The following PROM1 variants were observed in gnomAD, a reference collection of about 807,000 sequenced individuals.
PROM1 encodes the protein prominin 1, also known as prominin-1.
PROM1 carries 105 observed loss-of-function variants against 116.9 expected under a neutral mutation model. The ratio of observed to expected loss-of-function variants is 0.90; its 90% CI spans 0.77 to 1.06. PROM1 has a LOEUF of 1.06. PROM1 is among the 50% of genes least tolerant of loss of function. The pLI is 0.00. For missense variants in PROM1, 1,122 were observed against 1,045.2 expected (o/e 1.07, Z -1.01); for synonymous variants, 393 against 387.0 (o/e 1.02, Z -0.18).
chr4:16,073,531 G>A (rs1743284659), intron 2 of PROM1, among the ~76,000 whole-genome samples: 1 of 152,150 alleles, frequency 6.6e-6, no homozygotes, highest in African/African-American at 2.4e-5. Flanking sequence ...CAAATAGGAT[G>A]ATGGAAGAAA....
chr4:16,083,598 T>TG (rs1745456500), intron 1 of PROM1: 1 of 151,944 alleles, frequency 6.6e-6, no homozygotes. Context: ...GTGGAAGGAG[T>TG]GCGCTCAGCC....
At chr4:16,032,902 A>T (rs1400770) in intron 5 of PROM1, among the ~76,000 whole-genome samples, 38,647 of 152,126 alleles carry the variant, frequency 0.25, 5,603 homozygotes, top group African/African-American at 0.39. Flanking sequence ...GTCCATCAAG[A>T]TTCCTTTGGA....
intron 2 of PROM1, among the ~76,000 whole-genome samples, chr4:16,074,320 T>G (rs1181696927): frequency 6.6e-6 from 1 of 152,192 alleles, no homozygotes; most frequent in East Asian, 1.9e-4. Flanking sequence ...AAATATCTCT[T>G]GTACCCCGTG....
At chr4:16,007,277 C>G (rs1207239509) in intron 12 of PROM1, among the ~76,000 whole-genome samples, 1 of 152,184 alleles carries the variant, frequency 6.6e-6, no homozygotes, top group African/African-American at 2.4e-5. Flanking sequence ...AAATCAAATG[C>G]CTGCAGAATG....
At chr4:16,075,408 C>T (rs990982981) in intron 2 of PROM1, among the ~76,000 whole-genome samples, 4 of 152,156 alleles carry the variant, frequency 2.6e-5, no homozygotes, top group African/African-American at 9.6e-5. Context: ...TAATTCATTG[C>T]TCTAACCCAA....
intron 5 of PROM1, 34 bp from the exon 6 acceptor site, chr4:16,025,346 T>C: frequency 6.2e-7 from 1 of 1,611,418 alleles, no homozygotes; most frequent in South Asian, 1.1e-5. Context: ...AAAGAGCATT[T>C]ACTGTGTGGT....
chr4:15,970,916 T>C, intron 27 of PROM1, 127 bp downstream of exon 27: 1 of 690,932 alleles, frequency 1.4e-6, no homozygotes, highest in Non-Finnish European at 2.4e-6. Context: ...TAAAATATCT[T>C]GTCTAATATG....
intron 15 of PROM1, among the ~76,000 whole-genome samples, chr4:15,995,626 A>G (rs997305518): frequency 5.9e-5 from 9 of 152,118 alleles, no homozygotes; most frequent in Non-Finnish European, 2.9e-5. Context: ...AAAAGCTCCC[A>G]AAGAGTAGCC....
chr4:16,076,083 G>A lies in PROM1; in HGVS notation c.-177C>T. On this transcript the variant is annotated 5_prime_UTR_variant, in exon 2 of 28. Transcript: ENST00000447510. ...CTTGAGGCGAGGGATGCGGAAGAAT[G>A]TTCTCCAAGGGGGTCATTCACTCAA... 1 of 1,307,044 alleles carries A rather than the reference G, an allele frequency of 7.7e-7. No homozygotes were observed. The highest frequency in any genetic ancestry group is 1.0e-6 in the Non-Finnish European group (1 of 988,132). 81.0% of individuals were successfully genotyped at this position (1,307,044 alleles called of 1,614,324 possible). A position where few individuals can be genotyped will look rare whatever the true frequency, so the allele number is the denominator to read the frequency against.
chr4:16,025,563 C>T (rs1225834992), intron 5 of PROM1, among the ~76,000 whole-genome samples: 1 of 152,198 alleles, frequency 6.6e-6, no homozygotes, highest in Non-Finnish European at 1.5e-5. Context: ...AAATGACTCT[C>T]GTCAATGGAA....
At chr4:16,010,855 A>G (rs1299657425) in intron 11 of PROM1, among the ~76,000 whole-genome samples, 1 of 152,190 alleles carries the variant, frequency 6.6e-6, no homozygotes, top group African/African-American at 2.4e-5. Context: ...TAGAAATCAA[A>G]GACACAGAAG....
At chr4:15,973,491 A>G (rs1715199933) in intron 26 of PROM1, among the ~76,000 whole-genome samples, 1 of 152,176 alleles carries the variant, frequency 6.6e-6, no homozygotes, top group Non-Finnish European at 1.5e-5. Flanking sequence ...TGCACAATGA[A>G]CACCATCTAC....
intron 2 of PROM1, among the ~76,000 whole-genome samples, chr4:16,060,208 C>T (rs1314549448): frequency 6.6e-5 from 10 of 152,144 alleles, no homozygotes; most frequent in Admixed American, 2.0e-4. Flanking sequence ...TAGGTTATCC[C>T]TGCATTTTTT....
At position 16,024,374 on chromosome 4, in the gene PROM1, T is replaced by C. The variant is rs1197422799; in HGVS notation, c.631-16A>G. 1 of 1,602,798 alleles carries C rather than the reference T, an allele frequency of 6.2e-7. No homozygotes were observed. Among genetic ancestry groups the C allele is most frequent in the Non-Finnish European group, 8.5e-7 (1 of 1,174,162 alleles). The stretch of plus-strand genomic sequence containing the variant: ...ATTTGATTTGCTGAAAAAAGAACAT[T>C]CTGTGAAACCTCCCCTTCTAAGGTC... On this transcript the variant is annotated splice_polypyrimidine_tract_variant and intron_variant, in intron 6 of 27. Coordinates refer to ENST00000447510, the MANE Select transcript of PROM1 (RefSeq NM_006017.3).
Position 16,069,160 on chromosome 4 carries a change from G to A in PROM1, c.220+6527C>T, listed in dbSNP as rs530935250. 1.1e-4 allele frequency among the ~76,000 whole-genome samples: 16 copies of A among 152,264 alleles called. No homozygotes were observed. The East Asian group carries it at 2.9e-3, about 28-fold the overall frequency. On this transcript the variant is annotated intron_variant, in intron 2 of 27. Transcript: ENST00000447510. ...TGAGGCAGGAGAATCACTTGAACCCGGGAGGCAGAGGTTGCAGTGAGCCGA... is the reference window on the plus strand; with the variant it reads ...TGAGGCAGGAGAATCACTTGAACCCAGGAGGCAGAGGTTGCAGTGAGCCGA...
chr4:16,072,653 C>A (rs1388268878), intron 2 of PROM1, among the ~76,000 whole-genome samples: 3 of 152,204 alleles, frequency 2.0e-5, no homozygotes, highest in Admixed American at 6.5e-5. Context: ...TGGGTGACTA[C>A]CCTGCTCTTG....
At chr4:16,044,124 A>T (rs1296510185) in intron 2 of PROM1, among the ~76,000 whole-genome samples, 1 of 152,232 alleles carries the variant, frequency 6.6e-6, no homozygotes, top group African/African-American at 2.4e-5. Context: ...GTAAGCTAAA[A>T]TAAGAAATGT....
intron 2 of PROM1, among the ~76,000 whole-genome samples, chr4:16,041,825 A>G (rs1157898396): frequency 6.7e-6 from 1 of 150,236 alleles, no homozygotes; most frequent in Non-Finnish European, 1.5e-5. Context: ...TGAGAGACAA[A>G]TTGTGACTAT....
intron 2 of PROM1, among the ~76,000 whole-genome samples, chr4:16,053,270 T>A (rs1738282596): frequency 6.6e-6 from 1 of 152,204 alleles, no homozygotes; most frequent in Non-Finnish European, 1.5e-5. Context: ...AAAATAAAAG[T>A]CTGAAATGAA....
Sources: allele counts gnomAD v4.1 joint callset (sites outside exome capture counted in the v4.1 genomes callset), GRCh38; gene constraint gnomAD v4.1.1; transcripts MANE v1.5; gene names NCBI Gene and HGNC (gene_info 2026-07-23, HGNC 2026-07-21).